Variants in HAPLN4 observed in about 807,000 individuals in gnomAD.
HAPLN4 encodes the protein hyaluronan and proteoglycan link protein 4, also known as brain link protein 2.
In HAPLN4, 19 loss-of-function variants were observed where a neutral mutation model predicts 28.0. The ratio of observed to expected loss-of-function variants is 0.68; its 90% CI spans 0.47 to 1.00. HAPLN4 has a LOEUF of 1.00. Ranked by LOEUF, HAPLN4 falls within the 50% of genes least tolerant of loss-of-function variation. The probability of loss-of-function intolerance (pLI) is 0.00; values close to 1 mark genes in which losing one functional copy is unlikely to be tolerated. For synonymous variants in HAPLN4, 274 were observed against 273.0 expected (o/e 1.00, Z -0.03); for missense variants, 587 against 602.6 (o/e 0.97, Z 0.27).
intron 3 of HAPLN4, among the ~76,000 whole-genome samples, chr19:19,260,247 C>T (rs10414986): frequency 0.039 from 5,879 of 152,114 alleles, 301 homozygotes; most frequent in African/African-American, 0.11. Context: ...GATGGAGTCT[C>T]GCTCTGTCGC....
Position 19,258,067 on chromosome 19 carries a change from G to C in HAPLN4, c.959C>G (p.Ala320Gly). ...WKLQLLDRCT[A>G]GWLADGSARY... ...CGCACTGCCATCGGCCAGCCAACCC[G>C]CGGTGCAGCGGTCTAGCAGCTGCAG... is the stretch of plus-strand genomic sequence containing the variant. The change falls in exon 5 of 5, where the codon GCG (alanine) becomes GGG (glycine). Residue 320 changes from alanine to glycine, a missense_variant. Ala to Gly is a moderately conservative substitution (Grantham distance 60). Transcript: ENST00000291481. The surrounding 1 kb of genome is among the most constrained non-coding windows in gnomAD (Gnocchi z 6.2). 6.4e-7 allele frequency: 1 copy of C among 1,552,828 alleles called. No homozygotes were observed. The highest frequency in any genetic ancestry group is 8.7e-7 in the Non-Finnish European group (1 of 1,155,940).
At chr19:19,261,336 A>G in intron 2 of HAPLN4, 110 bp downstream of exon 2, 1 of 1,242,936 alleles carries the variant, frequency 8.0e-7, no homozygotes, top group South Asian at 1.2e-5. Context: ...TCAGATGGGG[A>G]GTGGCTGGGG....
Position 19,260,883 on chromosome 19 carries a change from G to A in HAPLN4, c.414C>T (p.Tyr138=). The change falls in exon 3 of 5, where the codon TAC becomes TAT. Residue 138 remains tyrosine (Y), a synonymous_variant. Coordinates refer to ENST00000291481, the MANE Select transcript of HAPLN4 (RefSeq NM_023002.3). ...LVLRNVTLQD[Y]GRYECEVTNE... is the part of the protein sequence containing the mutation. ...TGGTGACTTCGCACTCATAGCGCCC[G>A]TAGTCTTGCAGCGTGACGTTGCGGA... is the stretch of plus-strand genomic sequence containing the variant. The A allele has an allele frequency of 1.9e-6, 3 of 1,614,116 alleles. No homozygotes were observed. Among genetic ancestry groups the A allele is most frequent in the South Asian group, 1.1e-5 (1 of 91,088 alleles).
At chr19:19,259,435 A>G (rs547724755) in intron 3 of HAPLN4, among the ~76,000 whole-genome samples, 2 of 152,202 alleles carry the variant, frequency 1.3e-5, no homozygotes, top group African/African-American at 4.8e-5. Context: ...CGTTCAGCTC[A>G]AGTATTTTGT....
intron 3 of HAPLN4, among the ~76,000 whole-genome samples, chr19:19,260,423 G>A (rs937952238): frequency 2.0e-5 from 3 of 151,974 alleles, no homozygotes. Context: ...TGGCATGTTG[G>A]CCAGGCTGGT....
chr19:19,255,204 T>C lies in HAPLN4; in HGVS notation c.*2613A>G, dbSNP rs566085118. On this transcript the variant is annotated 3_prime_UTR_variant, in exon 5 of 5. Coordinates refer to ENST00000291481, the MANE Select transcript of HAPLN4 (RefSeq NM_023002.3). Reference sequence around the variant, plus strand: ...TGGGGGAAGAAAGAGGAGCAAGAGATTGGGGAGGTGGGGGAGGAATGAAGG... The same window carrying C: ...TGGGGGAAGAAAGAGGAGCAAGAGACTGGGGAGGTGGGGGAGGAATGAAGG... 9.2e-5 allele frequency: 14 copies of C among 151,918 alleles called. No homozygotes were observed. The highest frequency in any genetic ancestry group is 1.9e-4 in the Non-Finnish European group (13 of 68,012). 9.4% of individuals were successfully genotyped at this position (151,918 alleles called of 1,614,324 possible).
In HAPLN4 at chr19:19,261,208, G is replaced by A. The variant is rs762152375; in HGVS notation, c.122-33C>T. The A allele has an allele frequency of 3.8e-6, 6 of 1,569,076 alleles. No individual in the cohort carries two copies. In the South Asian group the frequency reaches 7.1e-5, roughly 19 times the overall value. On this transcript the variant is annotated intron_variant, in intron 2 of 4. Transcript: ENST00000291481. The stretch of plus-strand genomic sequence containing the variant: ...CAACCAAGCAGGGTTCAGAGGAGGG[G>A]CCTAGGGGCAGAAGGGGGCCTCTGG...
chr19:19,262,067 A>G (rs1285060296), intron 1 of HAPLN4, among the ~76,000 whole-genome samples: 1 of 151,900 alleles, frequency 6.6e-6, no homozygotes, highest in East Asian at 1.9e-4. Flanking sequence ...AAAAAGGGGA[A>G]GGGAAGAGAG....
rs753334527 is a variant in HAPLN4 at position 19,257,908 on chromosome 19, G to T, written c.1118C>A (p.Ala373Glu). ...CYRAPGAPDP[A>E]PGGWGWGWAG... ...CCAGCCCCAGCCCCAGCCGCCAGGT[G>T]CCGGGTCCGGTGCTCCTGGAGCGCG... Residue 373 changes from alanine (A) to glutamate (E), a missense_variant, in exon 5 of 5, where the codon GCA becomes GAA. Physicochemically the swap from Ala to Glu is moderately radical, Grantham distance 107. Transcript: ENST00000291481. 5 of 1,499,690 alleles carry T rather than the reference G, an allele frequency of 3.3e-6. No individual in the cohort carries two copies. The Admixed American group carries it at 1.1e-4, about 33-fold the overall frequency. 92.9% of individuals were successfully genotyped at this position (1,499,690 alleles called of 1,614,324 possible).
At position 19,261,107 on chromosome 19, in the gene HAPLN4, T is replaced by C. The variant is rs147317504; in HGVS notation, c.190A>G (p.Ile64Val). The stretch of plus-strand genomic sequence containing the variant: ...TAGTGGTAGCGGCAGGGCAAGACGA[T>C]GGTGCCACCACGGTGGCTTACCACC... ...GQVVSHRGGT[I>V]VLPCRYHYEA... Residue 64 changes from isoleucine to valine, a missense_variant, in exon 3 of 5, where the codon ATC becomes GTC. Physicochemically the swap from Ile to Val is conservative, Grantham distance 29 (BLOSUM62 3). Coordinates refer to ENST00000291481, the MANE Select transcript of HAPLN4 (RefSeq NM_023002.3). 2.5e-5 allele frequency: 41 copies of C among 1,612,042 alleles called. No homozygotes were observed. The African/African-American group carries it at 5.1e-4, about 20-fold the overall frequency.
chr19:19,258,227 GGGT>G lies in HAPLN4; in HGVS notation c.818-22_818-20del. 1 of 1,468,148 alleles carries G rather than the reference GGGT, an allele frequency of 6.8e-7. No individual in the cohort carries two copies. Among genetic ancestry groups the G allele is most frequent in the Non-Finnish European group, 9.0e-7 (1 of 1,110,324 alleles). The allele number at this position is 1,468,148 out of a possible 1,614,324, so 90.9% of individuals were successfully genotyped here. A position where few individuals can be genotyped will look rare whatever the true frequency, so the allele number is the denominator to read the frequency against. On this transcript the variant is annotated intron_variant, in intron 4 of 4. Coordinates refer to ENST00000291481, the MANE Select transcript of HAPLN4 (RefSeq NM_023002.3). This position sits in a 1 kb window ranked among gnomAD's most constrained non-coding sequence, Gnocchi z 6.2. ...ACGCGCCCTGCGGGGGTGAGGTGGG[GGGT>G]GGGTTATTAGTGCGGCTCCTGGGAC...
chr19:19,260,215 GTATTTATT>G (rs1456953422), intron 3 of HAPLN4, among the ~76,000 whole-genome samples: 1 of 151,982 alleles, frequency 6.6e-6, no homozygotes, highest in African/African-American at 2.4e-5. Context: ...TTTTATTTAT[GTATTTATT>G]TATTTATTTT....
chr19:19,257,949 G>A lies in HAPLN4; in HGVS notation c.1077C>T (p.Phe359=). The A allele has an allele frequency of 4.0e-6, 6 of 1,515,698 alleles. No homozygotes were observed. In the South Asian group the frequency reaches 4.9e-5, roughly 12 times the overall value. 93.9% of individuals were successfully genotyped at this position (1,515,698 alleles called of 1,614,324 possible). Residue 359 remains phenylalanine (F), a synonymous_variant, in exon 5 of 5, where the codon TTC becomes TTT. Coordinates refer to ENST00000291481, the MANE Select transcript of HAPLN4 (RefSeq NM_023002.3). The part of the protein sequence containing the change: ...LGFPDATRRL[F]GVYCYRAPGA... ...CTGGAGCGCGGTAGCAGTAGACGCC[G>A]AAGAGCCGTCGGGTGGCGTCCGGGA...
At position 19,257,011 on chromosome 19, in the gene HAPLN4, T is replaced by G. The variant is rs527451811; in HGVS notation, c.*806A>C. The G allele has an allele frequency of 2.6e-5, 4 of 152,348 alleles. No individual in the cohort carries two copies. Among genetic ancestry groups the G allele is most frequent in the Non-Finnish European group, 5.9e-5 (4 of 68,010 alleles). The allele number at this position is 152,348 out of a possible 1,614,324, so 9.4% of individuals were successfully genotyped here. A position where few individuals can be genotyped will look rare whatever the true frequency, so the allele number is the denominator to read the frequency against. On this transcript the variant is annotated 3_prime_UTR_variant, in exon 5 of 5. Coordinates refer to ENST00000291481, the MANE Select transcript of HAPLN4 (RefSeq NM_023002.3). ...AGGCCTGGGAAGATGGTCTGTTTGG[T>G]GACAGTTGGGAAAGGGACGTCAGAG...
chr19:19,262,159 CAGAG>C (rs2060986009), intron 1 of HAPLN4, among the ~76,000 whole-genome samples: 1 of 147,416 alleles, frequency 6.8e-6, no homozygotes, highest in Non-Finnish European at 1.5e-5. Flanking sequence ...GAGGGAGAGA[CAGAG>C]AGGCAGAGGG....
chr19:19,261,291 G>T, intron 2 of HAPLN4, 116 bp from the exon 3 acceptor site: 2 of 1,294,168 alleles, frequency 1.5e-6, no homozygotes, highest in Admixed American at 2.0e-5. Context: ...CGGGGAATCA[G>T]AAGGGTCCAG....
Position 19,259,911 on chromosome 19 carries a change from G to C in HAPLN4, c.484+902C>G, listed in dbSNP as rs923993794. ...CAGAGCATCCCATCTTCCAGCTACA[G>C]TGATTGGCTCACAGTTGGGCACATG... is the stretch of plus-strand genomic sequence containing the variant. On this transcript the variant is annotated intron_variant, in intron 3 of 4. Transcript: ENST00000291481. Among the ~76,000 whole-genome samples, 3 of 152,328 alleles carry C rather than the reference G, an allele frequency of 2.0e-5. No individual in the cohort carries two copies. The East Asian group carries it at 5.8e-4, about 29-fold the overall frequency.
At position 19,258,428 on chromosome 19, in the gene HAPLN4, C is replaced by G. The variant is rs2060973127; in HGVS notation, c.817+95G>C. On this transcript the variant is annotated intron_variant, in intron 4 of 4. Transcript: ENST00000291481. The surrounding 1 kb of genome is among the most constrained non-coding windows in gnomAD (Gnocchi z 6.2). ...CTAGGCACTCTTGGGAGAGGGGTCT[C>G]CTGTTTCTGATCGCTAAGAGCTGGG... The G allele has an allele frequency of 1.5e-6, 2 of 1,327,934 alleles. No homozygotes were observed. Among genetic ancestry groups the G allele is most frequent in the South Asian group, 2.6e-5 (2 of 77,378 alleles). The allele number at this position is 1,327,934 out of a possible 1,614,324, so 82.3% of individuals were successfully genotyped here.
intron 3 of HAPLN4, among the ~76,000 whole-genome samples, chr19:19,259,353 A>C (rs979200849): frequency 1.3e-5 from 2 of 152,150 alleles, no homozygotes; most frequent in Admixed American, 1.3e-4. Flanking sequence ...TGTCCAAGGG[A>C]GTACCCACTG....
Sources: gnomAD v4.1 joint callset for allele counts (sites outside exome capture counted in the v4.1 genomes callset) on GRCh38, gnomAD v4.1.1 for gene constraint, Gnocchi (gnomAD v3.1) non-coding constraint, MANE v1.5 for transcripts, NCBI Gene and HGNC (gene_info 2026-07-23, HGNC 2026-07-21) for gene names.